Variants in SAP30L observed in about 807,000 individuals in gnomAD.
SAP30L encodes the protein SAP30 like, also known as histone deacetylase complex subunit SAP30L.
SAP30L carries 10 observed loss-of-function variants against 22.3 expected under a neutral mutation model. The ratio of observed to expected loss-of-function variants is 0.45; its 90% CI spans 0.28 to 0.76. SAP30L has a LOEUF of 0.76. SAP30L is among the 30% of genes least tolerant of loss of function. The pLI is 0.14. For missense variants in SAP30L, 206 were observed against 237.9 expected (o/e 0.87, Z 0.88); for synonymous variants, 91 against 94.1 (o/e 0.97, Z 0.19).
Position 154,446,546 on chromosome 5 carries a change from C to T in SAP30L, c.-59C>T. The stretch of plus-strand genomic sequence containing the variant: ...TCAGCGACCTGCCCCGCGGCAAGCG[C>T]GGCCGCGGAGTGGCCTACCGGGGAC... On this transcript the variant is annotated 5_prime_UTR_variant, in exon 1 of 4. Coordinates refer to ENST00000297109, the MANE Select transcript of SAP30L (RefSeq NM_024632.6). 1 of 1,323,638 alleles carries T rather than the reference C, an allele frequency of 7.6e-7. No homozygotes were observed. The highest frequency in any genetic ancestry group is 9.8e-7 in the Non-Finnish European group (1 of 1,019,904). 82.0% of individuals were successfully genotyped at this position (1,323,638 alleles called of 1,614,324 possible). A position where few individuals can be genotyped will look rare whatever the true frequency, so the allele number is the denominator to read the frequency against.
In SAP30L at chr5:154,447,204, A is replaced by G. The variant is rs1757037507; in HGVS notation, c.201+399A>G. ...TCTCTCTCCTTCTAGGAACCCTGTTATTCCTTCAGACAGAGAAAGGTGGCA... is the reference window on the plus strand; with the variant it reads ...TCTCTCTCCTTCTAGGAACCCTGTTGTTCCTTCAGACAGAGAAAGGTGGCA... On this transcript the variant is annotated intron_variant, in intron 1 of 3. Transcript: ENST00000297109. Among the ~76,000 whole-genome samples, 4 of 152,202 alleles carry G rather than the reference A, an allele frequency of 2.6e-5. No individual in the cohort carries two copies. The South Asian group carries it at 8.3e-4, about 32-fold the overall frequency.
At chr5:154,454,716 C>T (rs968031372) in intron 3 of SAP30L, among the ~76,000 whole-genome samples, 2 of 152,292 alleles carry the variant, frequency 1.3e-5, no homozygotes, top group South Asian at 2.1e-4. Context: ...AGTGTTCTCC[C>T]TGGTGGAAGG....
At chr5:154,452,581 G>A (rs551454588) in intron 2 of SAP30L, 2 of 658,898 alleles carry the variant, frequency 3.0e-6, no homozygotes, top group Admixed American at 6.3e-5. Context: ...AAACAAAAAG[G>A]GGGGGTCCCT....
intron 1 of SAP30L, among the ~76,000 whole-genome samples, chr5:154,449,497 C>G (rs1401641068): frequency 6.6e-6 from 1 of 152,148 alleles, no homozygotes; most frequent in Non-Finnish European, 1.5e-5. Context: ...ATCTCCCAGC[C>G]AAAGCTTTAG....
chr5:154,456,069 T>C lies in SAP30L; in HGVS notation c.*41T>C. The C allele has an allele frequency of 1.3e-6, 2 of 1,597,352 alleles. No homozygotes were observed. Among genetic ancestry groups the C allele is most frequent in the South Asian group, 1.1e-5 (1 of 88,352 alleles). On this transcript the variant is annotated 3_prime_UTR_variant, in exon 4 of 4. Transcript: ENST00000297109. ...TAAAGGAATGAAGTGTAATGCTTGA[T>C]GCACAGGTGATATCTACTACATTTA...
intron 1 of SAP30L, among the ~76,000 whole-genome samples, chr5:154,448,828 G>A (rs1289629227): frequency 2.0e-5 from 3 of 152,200 alleles, no homozygotes; most frequent in Non-Finnish European, 4.4e-5. Flanking sequence ...AGGTTTCCAG[G>A]TGGAATCACT....
chr5:154,456,029 G>A lies in SAP30L; in HGVS notation c.*1G>A. ...GGAGGGTGGCAAGCAGCTTGAGTGA[G>A]GATGAAGCACATCTTAAAGGAATGA... On this transcript the variant is annotated 3_prime_UTR_variant, in exon 4 of 4. Transcript: ENST00000297109. The A allele has an allele frequency of 1.2e-6, 2 of 1,613,276 alleles. No individual in the cohort carries two copies. The highest frequency in any genetic ancestry group is 1.7e-6 in the Non-Finnish European group (2 of 1,179,654).
chr5:154,455,279 G>A (rs2113280775), intron 3 of SAP30L, among the ~76,000 whole-genome samples: 1 of 152,284 alleles, frequency 6.6e-6, no homozygotes, highest in African/African-American at 2.4e-5. Context: ...CTGGGGTGCA[G>A]TCACAGCTCA....
chr5:154,454,921 A>G (rs1242175399), intron 3 of SAP30L, among the ~76,000 whole-genome samples: 1 of 145,372 alleles, frequency 6.9e-6, no homozygotes, highest in Non-Finnish European at 1.5e-5. Context: ...ATTTAACACA[A>G]TTTTTTTTTT....
chr5:154,455,760 G>T, intron 3 of SAP30L, 140 bp from the exon 4 acceptor site: 1 of 1,084,400 alleles, frequency 9.2e-7, no homozygotes, highest in South Asian at 1.7e-5. Context: ...TCTGAGTTCC[G>T]CACATGGCAG....
intron 1 of SAP30L, among the ~76,000 whole-genome samples, chr5:154,450,692 T>G (rs1168373391): frequency 6.6e-6 from 1 of 152,190 alleles, no homozygotes; most frequent in Non-Finnish European, 1.5e-5. Context: ...ACCCTGGGCC[T>G]CCTCACTCTT....
chr5:154,455,861 G>A (rs762162132), intron 3 of SAP30L, 39 bp from the exon 4 acceptor site: 21 of 1,580,166 alleles, frequency 1.3e-5, no homozygotes, highest in Admixed American at 9.6e-5. Flanking sequence ...TGTGATTTGT[G>A]CATGGTTTAA....
rs770096658 is a variant in SAP30L at position 154,456,048 on chromosome 5, G to A, written c.*20G>A. The A allele has an allele frequency of 6.2e-7, 1 of 1,611,074 alleles. No homozygotes were observed. The highest frequency in any genetic ancestry group is 1.3e-5 in the African/African-American group (1 of 74,786). ...GAGTGAGGATGAAGCACATCTTAAA[G>A]GAATGAAGTGTAATGCTTGATGCAC... On this transcript the variant is annotated 3_prime_UTR_variant, in exon 4 of 4. Transcript: ENST00000297109.
intron 2 of SAP30L, among the ~76,000 whole-genome samples, chr5:154,452,006 G>A (rs969468727): frequency 2.6e-5 from 4 of 152,122 alleles, no homozygotes; most frequent in African/African-American, 2.4e-5. Context: ...TCAGGTGCCC[G>A]TGTCTATTAA....
chr5:154,456,186 T>C lies in SAP30L; in HGVS notation c.*158T>C. ...TTTGGTCAGGAGGATTATATTCTCATGATTCAGCATGTGTATAGAAAGACT... is the reference window on the plus strand; with the variant it reads ...TTTGGTCAGGAGGATTATATTCTCACGATTCAGCATGTGTATAGAAAGACT... On this transcript the variant is annotated 3_prime_UTR_variant, in exon 4 of 4. Transcript: ENST00000297109. 1 of 631,686 alleles carries C rather than the reference T, an allele frequency of 1.6e-6. No homozygotes were observed. The highest frequency in any genetic ancestry group is 2.5e-6 in the Non-Finnish European group (1 of 401,530). 39.1% of individuals were successfully genotyped at this position (631,686 alleles called of 1,614,324 possible).
chr5:154,455,227 T>C (rs1757237979), intron 3 of SAP30L, among the ~76,000 whole-genome samples: 1 of 152,092 alleles, frequency 6.6e-6, no homozygotes, highest in Non-Finnish European at 1.5e-5. Flanking sequence ...CTAACCCAAT[T>C]TTTATTTGTT....
At chr5:154,447,841 A>G (rs1460903170) in intron 1 of SAP30L, among the ~76,000 whole-genome samples, 1 of 152,198 alleles carries the variant, frequency 6.6e-6, no homozygotes, top group Non-Finnish European at 1.5e-5. Context: ...CACAGCACCT[A>G]AGAGGCTGGT....
chr5:154,447,186 CCTT>C (rs1757036810), intron 1 of SAP30L, among the ~76,000 whole-genome samples: 1 of 152,240 alleles, frequency 6.6e-6, no homozygotes. Flanking sequence ...ACTTCTCTCT[CCTT>C]CTAGGAACCC....
intron 1 of SAP30L, among the ~76,000 whole-genome samples, chr5:154,448,568 C>A (rs1317745721): frequency 6.6e-6 from 1 of 152,218 alleles, no homozygotes; most frequent in Non-Finnish European, 1.5e-5. Flanking sequence ...TTGTTAGAAG[C>A]TGCTTTACTT....
Sources: gnomAD v4.1 joint callset for allele counts (sites outside exome capture counted in the v4.1 genomes callset) on GRCh38, gnomAD v4.1.1 for gene constraint, MANE v1.5 for transcripts, NCBI Gene and HGNC (gene_info 2026-07-23, HGNC 2026-07-21) for gene names.